RABL3: variants seen among roughly 807,000 people sequenced by gnomAD.
RABL3 encodes RAB, member of RAS oncogene family like 3, also known as rab-like protein 3.
In RABL3, 31 loss-of-function variants were observed where a neutral mutation model predicts 31.8. The ratio of observed to expected loss-of-function variants is 0.97; its 90% confidence interval spans 0.73 to 1.31. RABL3 has a LOEUF of 1.31. RABL3 is among the 40% of genes most tolerant of loss of function. The pLI, the probability that RABL3 is intolerant of heterozygous loss-of-function variation, is 0.00. For missense variants in RABL3, 263 were observed against 279.6 expected, an observed-to-expected ratio of 0.94 and a Z score of 0.42; for synonymous variants, 97 against 99.9, an observed-to-expected ratio of 0.97 and a Z score of 0.18.
intron 4 of RABL3, among the ~76,000 whole-genome samples, chr3:120,702,091 C>T (rs551309037): frequency 3.3e-5 from 5 of 152,266 alleles, no homozygotes; most frequent in South Asian, 2.1e-4. Context: ...AGGGGACACA[C>T]GAATACTTGG....
intron 1 of RABL3, 57 bp downstream of exon 1, chr3:120,742,405 G>A: frequency 6.5e-7 from 1 of 1,528,742 alleles, no homozygotes; most frequent in Non-Finnish European, 9.1e-7. Flanking sequence ...GCTAAGGGGA[G>A]GGTTACTGGG....
At chr3:120,726,553 C>T (rs986573075) in intron 2 of RABL3, among the ~76,000 whole-genome samples, 2 of 151,980 alleles carry the variant, frequency 1.3e-5, no homozygotes, top group Non-Finnish European at 2.9e-5. Flanking sequence ...CCAGCCTAGC[C>T]AACATGGCAA....
rs1305659063 is a variant in RABL3, at chr3:120,686,734, C to T, written c.*3089G>A. Reference sequence around the variant, plus strand: ...ACTGTAAGTTTTACATGACAGGAATCTTCAGAAATGAAGACAAAAAAGAAA... The same window carrying T: ...ACTGTAAGTTTTACATGACAGGAATTTTCAGAAATGAAGACAAAAAAGAAA... On this transcript the variant is annotated 3_prime_UTR_variant, in exon 8 of 8. Transcript: ENST00000273375. 1 of 152,168 alleles carries T rather than the reference C, an allele frequency of 6.6e-6. No homozygotes were observed. Among genetic ancestry groups the T allele is most frequent in the African/African-American group, 2.4e-5 (1 of 41,436 alleles). 9.4% of individuals were successfully genotyped at this position (152,168 alleles called of 1,614,324 possible).
intron 2 of RABL3, among the ~76,000 whole-genome samples, chr3:120,719,119 T>C (rs1329037226): frequency 6.6e-6 from 1 of 152,176 alleles, no homozygotes; most frequent in African/African-American, 2.4e-5. Flanking sequence ...GATTAACACA[T>C]ATTTAGAACA....
intron 1 of RABL3, among the ~76,000 whole-genome samples, chr3:120,735,003 C>A (rs1708937862): frequency 6.6e-6 from 1 of 152,148 alleles, no homozygotes; most frequent in Admixed American, 6.6e-5. Context: ...GTCTAAAATT[C>A]TCTTTTTTTG....
At chr3:120,713,089 A>C (rs1708630293) in intron 2 of RABL3, among the ~76,000 whole-genome samples, 1 of 151,996 alleles carries the variant, frequency 6.6e-6, no homozygotes, top group Admixed American at 6.6e-5. Flanking sequence ...AAGGACTATA[A>C]CTCCTCTGAG....
chr3:120,687,568 G>C lies in RABL3; in HGVS notation c.*2255C>G, dbSNP rs1008216412. ...CTTCATTCTTTTTTGAATAACTCTA[G>C]CTAATAACATTCATTTGCGCAAAAA... is the stretch of plus-strand genomic sequence containing the variant. On this transcript the variant is annotated 3_prime_UTR_variant, in exon 8 of 8. Coordinates refer to ENST00000273375, the MANE Select transcript of RABL3 (RefSeq NM_173825.5). 1 of 152,138 alleles carries C rather than the reference G, an allele frequency of 6.6e-6. No homozygotes were observed. The highest frequency in any genetic ancestry group is 1.9e-4 in the East Asian group (1 of 5,194). The allele number at this position is 152,138 out of a possible 1,614,324, so 9.4% of individuals were successfully genotyped here.
intron 5 of RABL3, among the ~76,000 whole-genome samples, chr3:120,697,113 G>A (rs756711558): frequency 1.1e-4 from 16 of 152,182 alleles, no homozygotes; most frequent in South Asian, 2.1e-4. Flanking sequence ...ATTTTCCATA[G>A]GTACTATTGG....
chr3:120,703,687 A>G (rs1708518887), intron 4 of RABL3, among the ~76,000 whole-genome samples: 1 of 152,298 alleles, frequency 6.6e-6, no homozygotes, highest in South Asian at 2.1e-4. Flanking sequence ...CAAGAAAAAG[A>G]GAAGACATAA....
chr3:120,698,384 C>T (rs1437536970), intron 5 of RABL3, 39 bp downstream of exon 5: 2 of 1,563,154 alleles, frequency 1.3e-6, no homozygotes, highest in Non-Finnish European at 8.7e-7. Context: ...TTGTCTTTAC[C>T]CGATAATAAT....
At chr3:120,714,553 C>T (rs1343623810) in intron 2 of RABL3, among the ~76,000 whole-genome samples, 1 of 152,192 alleles carries the variant, frequency 6.6e-6, no homozygotes, top group Non-Finnish European at 1.5e-5. Flanking sequence ...ATTCTGTACC[C>T]ATTCACTCTT....
Position 120,706,087 on chromosome 3 carries a change from TTTG to T in RABL3, c.293_295del (p.Thr98del), listed in dbSNP as rs1280270838. On this transcript the variant is annotated inframe_deletion, in exon 4 of 8. Transcript: ENST00000273375. ...ACGCAAGTTTTGGGAGGACTTCTTA[TTTG>T]TTAAGTCGTGTACGAAAATAATACC... The T allele has an allele frequency of 6.2e-7, 1 of 1,612,716 alleles. No individual in the cohort carries two copies. The highest frequency in any genetic ancestry group is 1.3e-5 in the African/African-American group (1 of 74,924).
At position 120,690,487 on chromosome 3, in the gene RABL3, C is replaced by T; in HGVS notation, c.607G>A (p.Val203Ile). 1.2e-6 allele frequency: 2 copies of T among 1,603,804 alleles called. No individual in the cohort carries two copies. Among genetic ancestry groups the T allele is most frequent in the Non-Finnish European group, 1.7e-6 (2 of 1,171,194 alleles). ...AVKLSRFFDK[V>I]IEKRYFLREG... is the part of the protein sequence containing the mutation. ...CTTAAAAAGTATCTCTTCTCTATGA[C>T]CTGTGAAAAACAAAGATTTTAAAGG... Residue 203 changes from valine (V) to isoleucine (I), a missense_variant and splice_region_variant, in exon 7 of 8, where the codon GTC becomes ATC. By Grantham distance (29) the Val-to-Ile change is conservative. Coordinates refer to ENST00000273375, the MANE Select transcript of RABL3 (RefSeq NM_173825.5).
intron 4 of RABL3, among the ~76,000 whole-genome samples, chr3:120,703,032 T>C (rs1484908243): frequency 6.6e-6 from 1 of 152,098 alleles, no homozygotes; most frequent in Admixed American, 6.5e-5. Flanking sequence ...AATCACAAAG[T>C]ATGGCAGAGA....
At chr3:120,727,067 TA>T (rs1007643671) in intron 2 of RABL3, among the ~76,000 whole-genome samples, 4 of 151,498 alleles carry the variant, frequency 2.6e-5, no homozygotes, top group Admixed American at 6.6e-5. Context: ...CTTAGAGCTC[TA>T]AAAAAAAGTC....
In RABL3 at chr3:120,689,715, T is replaced by C. The variant is rs1290433701; in HGVS notation, c.*108A>G. 1.2e-6 allele frequency: 1 copy of C among 801,992 alleles called. No individual in the cohort carries two copies. The highest frequency in any genetic ancestry group is 2.1e-6 in the Non-Finnish European group (1 of 471,338). The allele number at this position is 801,992 out of a possible 1,614,324, so 49.7% of individuals were successfully genotyped here. A position where few individuals can be genotyped will look rare whatever the true frequency, so the allele number is the denominator to read the frequency against. On this transcript the variant is annotated 3_prime_UTR_variant, in exon 8 of 8. Coordinates refer to ENST00000273375, the MANE Select transcript of RABL3 (RefSeq NM_173825.5). Reference sequence around the variant, plus strand: ...TAAAGGGTAAGGCTGAAGGGTAGCATTTTAAGATGATTTTGTTAAAAGGCT... The same window carrying C: ...TAAAGGGTAAGGCTGAAGGGTAGCACTTTAAGATGATTTTGTTAAAAGGCT...
At chr3:120,726,233 A>ACC (rs1708819259) in intron 2 of RABL3, among the ~76,000 whole-genome samples, 1 of 152,210 alleles carries the variant, frequency 6.6e-6, no homozygotes, top group African/African-American at 2.4e-5. Context: ...GCATTTTATA[A>ACC]CAAGGGGTGG....
At chr3:120,691,974 C>A (rs1052252104) in intron 6 of RABL3, among the ~76,000 whole-genome samples, 1 of 152,140 alleles carries the variant, frequency 6.6e-6, no homozygotes, top group African/African-American at 2.4e-5. Context: ...TTATTTTTAG[C>A]CACAAGACAC....
chr3:120,737,563 C>A (rs141547250), intron 1 of RABL3, among the ~76,000 whole-genome samples: 1 of 152,170 alleles, frequency 6.6e-6, no homozygotes, highest in Admixed American at 6.5e-5. Flanking sequence ...CCTTTGCTGG[C>A]GAGGAGCTGC....
Sources: allele counts gnomAD v4.1 joint callset (sites outside exome capture counted in the v4.1 genomes callset), GRCh38; gene constraint gnomAD v4.1.1; transcripts MANE v1.5; gene names NCBI Gene and HGNC (gene_info 2026-07-23, HGNC 2026-07-21).